Variants in NCOR1 observed in about 807,000 individuals in gnomAD.
The protein encoded by NCOR1 is protein phosphatase 1, regulatory subunit 109.
Under a neutral mutation model 288.1 loss-of-function variants are expected in NCOR1, and 63 were observed. That is an observed-to-expected ratio of 0.22 (90% CI 0.18 to 0.27). The LOEUF is 0.27. Ranked by LOEUF, NCOR1 falls within the 10% of genes least tolerant of loss-of-function variation. The pLI, the probability that NCOR1 is intolerant of heterozygous loss-of-function variation, is 1.00. For synonymous variants in NCOR1, 1,007 were observed against 1,065.9 expected (o/e 0.94, Z 1.08); for missense variants, 2,397 against 3,019.2 (o/e 0.79, Z 4.83).
chr17:16,048,389 T>A (rs2058919410), intron 41 of NCOR1, among the ~76,000 whole-genome samples: 1 of 152,152 alleles, frequency 6.6e-6, no homozygotes, highest in South Asian at 2.1e-4. Flanking sequence ...GGTGGAGGTA[T>A]GGAGACTGAC....
intron 29 of NCOR1, 86 bp downstream of exon 29, chr17:16,072,059 A>G (rs2061820053): frequency 9.6e-7 from 1 of 1,043,264 alleles, no homozygotes; most frequent in African/African-American, 1.6e-5. Flanking sequence ...TAACTTGAAA[A>G]GCAGAAATAC....
intron 20 of NCOR1, among the ~76,000 whole-genome samples, chr17:16,100,701 T>C (rs768711380): frequency 6.6e-6 from 1 of 152,256 alleles, no homozygotes; most frequent in Non-Finnish European, 1.5e-5. Flanking sequence ...ATTACAAATA[T>C]GAACAATCTA....
chr17:16,086,192 C>T, intron 23 of NCOR1, 90 bp downstream of exon 23: 4 of 1,319,390 alleles, frequency 3.0e-6, no homozygotes, highest in Non-Finnish European at 4.2e-6. Flanking sequence ...TTATTTATTA[C>T]AACTCTGACA....
chr17:16,131,804 A>G (rs906966093), intron 14 of NCOR1, among the ~76,000 whole-genome samples: 5 of 152,234 alleles, frequency 3.3e-5, no homozygotes, highest in African/African-American at 1.2e-4. Flanking sequence ...GGCAATAAAG[A>G]TAACAGTGGC....
At chr17:16,064,759 A>G (rs1598090649) in intron 34 of NCOR1, 111 bp downstream of exon 34, 1 of 1,111,686 alleles carries the variant, frequency 9.0e-7, no homozygotes, top group Non-Finnish European at 1.3e-6. Context: ...TGTTAAAAGA[A>G]AAACAAGAAA....
intron 25 of NCOR1, 144 bp from the exon 26 acceptor site, chr17:16,080,208 TG>T (rs1360105097): frequency 1.7e-5 from 14 of 803,318 alleles, no homozygotes; most frequent in African/African-American, 1.7e-4. Context: ...TTTATTAAAA[TG>T]TACTTCCAAA....
At position 16,061,421 on chromosome 17, in the gene NCOR1, C is replaced by T. The variant is rs772339184; in HGVS notation, c.5861G>A (p.Ser1954Asn). 3 of 1,614,108 alleles carry T rather than the reference C, an allele frequency of 1.9e-6. No homozygotes were observed. Among genetic ancestry groups the T allele is most frequent in the South Asian group, 1.1e-5 (1 of 91,070 alleles). Residue 1954 changes from serine to asparagine, a missense_variant, in exon 37 of 46, where the codon AGT (serine) becomes AAT (asparagine). Coordinates refer to ENST00000268712, the MANE Select transcript of NCOR1 (RefSeq NM_006311.4). The part of the protein sequence containing the change: ...DKDARERGSQ[S>N]SDSSSSLSSH... The stretch of plus-strand genomic sequence containing the variant: ...CATACAGCTACTAGAAGAGTCTGAA[C>T]TTTGAGAGCCACGTTCCCTCGCATC...
At chr17:16,206,873 A>AGATT (rs2091573575) in intron 1 of NCOR1, among the ~76,000 whole-genome samples, 1 of 152,228 alleles carries the variant, frequency 6.6e-6, no homozygotes, top group African/African-American at 2.4e-5. Flanking sequence ...CAAACTCAGT[A>AGATT]GATTACATCC....
intron 7 of NCOR1, 39 bp from the exon 8 acceptor site, chr17:16,152,037 A>G: frequency 7.3e-7 from 1 of 1,365,568 alleles, no homozygotes. Flanking sequence ...AAAATGTTGT[A>G]CATATGTCTA....
Position 16,176,461 on chromosome 17 carries a change from G to T in NCOR1, c.243-4466C>A, listed in dbSNP as rs1037327247. ...TTTTTATATTTTTAGTAGAGACAGG[G>T]TTTCGCCATGTTGGCCAGGCTGGTC... On this transcript the variant is annotated intron_variant, in intron 3 of 45. Coordinates refer to ENST00000268712, the MANE Select transcript of NCOR1 (RefSeq NM_006311.4). Among the ~76,000 whole-genome samples, 47 of 151,996 alleles carry T rather than the reference G, an allele frequency of 3.1e-4. 1 individual carries two copies. The highest frequency in any genetic ancestry group is 4.3e-4 in the Non-Finnish European group (29 of 68,008).
At position 16,139,172 on chromosome 17, in the gene NCOR1, T is replaced by C; in HGVS notation, c.1188A>G (p.Gln396=). Residue 396 remains glutamine (Q), a synonymous_variant, in exon 12 of 46, where the codon CAA becomes CAG. Transcript: ENST00000268712. The stretch of plus-strand genomic sequence containing the variant: ...GTGGAATCACAGAGAGCTGCCGCAT[T>C]TGTTTCTCATTATTCTGGAAAAAAA... The part of the protein sequence containing the change: ...GLSEQENNEK[Q]MRQLSVIPPM... The C allele has an allele frequency of 2.5e-6, 4 of 1,606,806 alleles. No individual in the cohort carries two copies. The highest frequency in any genetic ancestry group is 3.4e-6 in the Non-Finnish European group (4 of 1,178,198).
At position 16,075,643 on chromosome 17, in the gene NCOR1, A is replaced by G. The variant is rs373883382; in HGVS notation, c.3561T>C (p.Ile1187=). Residue 1187 remains isoleucine, a synonymous_variant, in exon 27 of 46, where the codon ATT becomes ATC. Transcript: ENST00000268712. The stretch of plus-strand genomic sequence containing the variant: ...TGCTGTCTTCAATGGGCATTCTCGA[A>G]ATGGACCCCTTCACCAAAGCCTCTG... ...IPTEALVKGS[I]SRMPIEDSSP... is the part of the protein sequence containing the mutation. 6.6e-5 allele frequency: 106 copies of G among 1,614,016 alleles called. No homozygotes were observed. The highest frequency in any genetic ancestry group is 8.6e-5 in the Non-Finnish European group (102 of 1,180,038).
chr17:16,185,334 T>C (rs2086413214), intron 3 of NCOR1, among the ~76,000 whole-genome samples: 1 of 152,106 alleles, frequency 6.6e-6, no homozygotes, highest in African/African-American at 2.4e-5. Flanking sequence ...ACCTTTTTAT[T>C]ATCTATACGT....
chr17:16,121,329 G>C, intron 15 of NCOR1, 60 bp from the exon 16 acceptor site: 1 of 1,377,482 alleles, frequency 7.3e-7, no homozygotes, highest in South Asian at 1.5e-5. Flanking sequence ...ATCGAAGAAG[G>C]TTTTAGTTTT....
chr17:16,119,596 C>T (rs2072552592), intron 16 of NCOR1, 111 bp from the exon 17 acceptor site: 3 of 689,292 alleles, frequency 4.4e-6, no homozygotes, highest in Admixed American at 3.0e-5. Context: ...TATGTAAAAG[C>T]ATTTGGTGAA....
At chr17:16,168,728 T>C (rs1599809450) in intron 4 of NCOR1, among the ~76,000 whole-genome samples, 1 of 152,058 alleles carries the variant, frequency 6.6e-6, no homozygotes, top group Middle Eastern at 3.4e-3. Context: ...CCCAGCATAT[T>C]GGGAGGCCAA....
At position 16,172,068 on chromosome 17, in the gene NCOR1, T is replaced by TA. The variant is rs1340798776; in HGVS notation, c.243-74dup. ...ACAACTCCCTGGTAACATCCCTGGT[T>TA]AGACTTTGAAATAACAAATGAAAAA... On this transcript the variant is annotated intron_variant, in intron 3 of 45. Coordinates refer to ENST00000268712, the MANE Select transcript of NCOR1 (RefSeq NM_006311.4). The TA allele has an allele frequency of 1.1e-5, 14 of 1,244,930 alleles. No individual in the cohort carries two copies. In the Admixed American group the frequency reaches 3.6e-4, roughly 32 times the overall value. 77.1% of individuals were successfully genotyped at this position (1,244,930 alleles called of 1,614,324 possible). A position where few individuals can be genotyped will look rare whatever the true frequency, so the allele number is the denominator to read the frequency against.
intron 21 of NCOR1, among the ~76,000 whole-genome samples, chr17:16,093,719 A>G (rs2065820966): frequency 6.6e-6 from 1 of 152,168 alleles, no homozygotes; most frequent in Non-Finnish European, 1.5e-5. Context: ...TTCCATATAA[A>G]CATAGCTTTT....
At chr17:16,150,901 C>T (rs1392541133) in intron 8 of NCOR1, among the ~76,000 whole-genome samples, 1 of 151,964 alleles carries the variant, frequency 6.6e-6, no homozygotes, top group Non-Finnish European at 1.5e-5. Flanking sequence ...TATTATGAAC[C>T]ACTTACTTAA....
Sources: allele counts gnomAD v4.1 joint callset (sites outside exome capture counted in the v4.1 genomes callset), GRCh38; gene constraint gnomAD v4.1.1; transcripts MANE v1.5; gene names NCBI Gene and HGNC (gene_info 2026-07-23, HGNC 2026-07-21).